The following TBC1D9 variants were observed in gnomAD, a reference collection of about 807,000 sequenced individuals.
TBC1D9 encodes TBC1 domain family member 9, also known as TBC1 domain family member 9A.
Under a neutral mutation model 132.0 loss-of-function variants are expected in TBC1D9, and 63 were observed. The ratio of observed to expected loss-of-function variants is 0.48; its 90% confidence interval spans 0.39 to 0.59. The LOEUF is 0.59. Ranked by LOEUF, TBC1D9 falls within the 20% of genes least tolerant of loss-of-function variation. The pLI, the probability that TBC1D9 is intolerant of heterozygous loss-of-function variation, is 0.00. For synonymous variants in TBC1D9, 610 were observed against 609.9 expected, an observed-to-expected ratio of 1.00 and a Z score of 0.00; for missense variants, 1,261 against 1,592.7, an observed-to-expected ratio of 0.79 and a Z score of 3.54.
intron 1 of TBC1D9, among the ~76,000 whole-genome samples, chr4:140,730,887 C>A (rs1738579879): frequency 6.6e-6 from 1 of 152,180 alleles, no homozygotes; most frequent in African/African-American, 2.4e-5. Context: ...GCAGATATAC[C>A]TTCTTACTAC....
At chr4:140,719,232 T>A (rs1324414479) in intron 1 of TBC1D9, among the ~76,000 whole-genome samples, 3 of 152,178 alleles carry the variant, frequency 2.0e-5, no homozygotes. Flanking sequence ...ACTTAGCTTC[T>A]CTGAGTCATA....
chr4:140,669,098 C>T, intron 8 of TBC1D9, 31 bp from the exon 9 acceptor site: 1 of 1,610,582 alleles, frequency 6.2e-7, no homozygotes, highest in Non-Finnish European at 8.5e-7. Context: ...TTATGACATC[C>T]AAAGTACCCT....
intron 18 of TBC1D9, among the ~76,000 whole-genome samples, chr4:140,625,672 T>A (rs543290702): frequency 1.3e-5 from 2 of 152,346 alleles, no homozygotes; most frequent in Non-Finnish European, 2.9e-5. Context: ...TAATGTATGG[T>A]AAGTCCATGC....
intron 9 of TBC1D9, 106 bp from the exon 10 acceptor site, chr4:140,662,213 G>A (rs1737373403): frequency 1.1e-6 from 1 of 944,024 alleles, no homozygotes; most frequent in African/African-American, 1.6e-5. Context: ...CCTCTCAAAG[G>A]AAACTTGCAA....
At chr4:140,623,050 A>G in intron 20 of TBC1D9, 133 bp from the exon 21 acceptor site, 1 of 1,119,588 alleles carries the variant, frequency 8.9e-7, no homozygotes, top group South Asian at 2.1e-5. Flanking sequence ...GGCTGGATGG[A>G]CATGTTTAAA....
At chr4:140,710,232 C>T (rs1269038344) in intron 1 of TBC1D9, among the ~76,000 whole-genome samples, 1 of 151,758 alleles carries the variant, frequency 6.6e-6, no homozygotes, top group Non-Finnish European at 1.5e-5. Context: ...TATGTTTATC[C>T]CGAGGGGCAC....
At chr4:140,670,594 T>G (rs996655032) in intron 7 of TBC1D9, 126 bp downstream of exon 7, 18 of 702,756 alleles carry the variant, frequency 2.6e-5, no homozygotes, top group African/African-American at 5.3e-5. Context: ...AATGAGATAT[T>G]GCTGAGATAT....
intron 1 of TBC1D9, among the ~76,000 whole-genome samples, chr4:140,710,051 C>T (rs1738218048): frequency 2.0e-5 from 3 of 152,124 alleles, no homozygotes; most frequent in African/African-American, 7.2e-5. Flanking sequence ...CAGTCATGTT[C>T]TTGGGACTGT....
At chr4:140,689,400 G>GCTTCC (rs1287377563) in intron 2 of TBC1D9, among the ~76,000 whole-genome samples, 29 of 134,070 alleles carry the variant, frequency 2.2e-4, no homozygotes, top group Non-Finnish European at 3.8e-4. Context: ...TTCCTTCCCC[G>GCTTCC]CTTCCCTTCC....
intron 1 of TBC1D9, 125 bp downstream of exon 1, chr4:140,755,791 C>G (rs547151506): frequency 1.5e-6 from 2 of 1,345,020 alleles, no homozygotes; most frequent in Non-Finnish European, 9.5e-7. Flanking sequence ...TCGCATACAA[C>G]GAGGCAGGGC....
rs1291875626 is a variant in TBC1D9, at chr4:140,642,237, T to G, written c.2338-2809A>C. ...ACTCTCCTTCAGGAATTCTTCGTCT[T>G]CCTCTGAGTCTGTATTGTAAGAGTA... On this transcript the variant is annotated intron_variant, in intron 13 of 20. Transcript: ENST00000442267. The G allele has an allele frequency of 1.8e-5, 13 of 722,386 alleles. No individual in the cohort carries two copies. The South Asian group carries it at 1.9e-4, about 11-fold the overall frequency. The allele number at this position is 722,386 out of a possible 1,614,324, so 44.7% of individuals were successfully genotyped here.
chr4:140,688,052 G>C (rs1360730212), intron 2 of TBC1D9, among the ~76,000 whole-genome samples: 4 of 151,884 alleles, frequency 2.6e-5, no homozygotes, highest in African/African-American at 9.7e-5. Flanking sequence ...TCACACCACT[G>C]CACTCCAGCT....
intron 1 of TBC1D9, among the ~76,000 whole-genome samples, chr4:140,731,647 G>A (rs1349825560): frequency 1.3e-5 from 2 of 150,444 alleles, no homozygotes; most frequent in African/African-American, 4.9e-5. Context: ...CTACACAATG[G>A]CACCATAGTT....
intron 2 of TBC1D9, among the ~76,000 whole-genome samples, chr4:140,698,015 A>G (rs1738001268): frequency 6.6e-6 from 1 of 152,160 alleles, no homozygotes; most frequent in Non-Finnish European, 1.5e-5. Context: ...CGTCCTTTTC[A>G]CACCGTCATG....
At chr4:140,747,996 G>T (rs1444524179) in intron 1 of TBC1D9, among the ~76,000 whole-genome samples, 1 of 152,072 alleles carries the variant, frequency 6.6e-6, no homozygotes, top group Non-Finnish European at 1.5e-5. Flanking sequence ...TCACAAACTA[G>T]AAGTACAAGG....
chr4:140,755,901 G>A lies in TBC1D9; in HGVS notation c.130+15C>T, dbSNP rs755689582. 13 of 1,534,528 alleles carry A rather than the reference G, an allele frequency of 8.5e-6. No individual in the cohort carries two copies. The Admixed American group carries it at 9.9e-5, about 12-fold the overall frequency. On this transcript the variant is annotated intron_variant, in intron 1 of 20. Coordinates refer to ENST00000442267, the MANE Select transcript of TBC1D9 (RefSeq NM_015130.3). ...TCCCGGCTCCCCTCCTGCAGGGATC[G>A]GCCACGGTCCTTACCCGCCAGTCCG...
At chr4:140,722,569 C>G (rs1019589608) in intron 1 of TBC1D9, among the ~76,000 whole-genome samples, 10 of 152,096 alleles carry the variant, frequency 6.6e-5, no homozygotes, top group African/African-American at 2.4e-4. Context: ...CTTAAGGAAC[C>G]TTGGGATGAG....
In TBC1D9 at chr4:140,648,387, T is replaced by TG. The variant is rs201076872; in HGVS notation, c.2337+8709_2337+8710insC. Among the ~76,000 whole-genome samples, 374 of 143,980 alleles carry TG rather than the reference T, an allele frequency of 2.6e-3. 3 individuals carry two copies. Among genetic ancestry groups the TG allele is most frequent in the East Asian group, 0.022 (113 of 5,036 alleles). The allele number at this position is 143,980 out of a possible 152,430, so 94.5% of individuals were successfully genotyped here. ...AGCAGAAAGGCAGTTTTGTTGTTGT[T>TG]TTTTTTTTTTTTTTTTGAGACAGGG... On this transcript the variant is annotated intron_variant, in intron 13 of 20. Transcript: ENST00000442267.
At chr4:140,703,378 G>C (rs151031118) in intron 1 of TBC1D9, among the ~76,000 whole-genome samples, 1 of 152,200 alleles carries the variant, frequency 6.6e-6, no homozygotes, top group Non-Finnish European at 1.5e-5. Flanking sequence ...CAATGCCACT[G>C]AAATTCACTT....
Sources: gnomAD v4.1 joint callset for allele counts (sites outside exome capture counted in the v4.1 genomes callset) on GRCh38, gnomAD v4.1.1 for gene constraint, MANE v1.5 for transcripts, NCBI Gene and HGNC (gene_info 2026-07-23, HGNC 2026-07-21) for gene names.